Variants in FOLH1 observed in about 807,000 individuals in gnomAD.
FOLH1 encodes folate hydrolase 1, also known as glutamate carboxypeptidase 2.
FOLH1 carries 54 observed loss-of-function variants against 93.9 expected under a neutral mutation model. The ratio of observed to expected loss-of-function variants is 0.57; its 90% confidence interval spans 0.46 to 0.72. The LOEUF (loss-of-function observed/expected upper bound fraction) is 0.72, where lower values mean the gene tolerates loss of function less well. Ranked by LOEUF, FOLH1 falls within the 30% of genes least tolerant of loss-of-function variation. The pLI, the probability that FOLH1 is intolerant of heterozygous loss-of-function variation, is 0.00. For missense variants in FOLH1, 571 were observed against 892.5 expected (o/e 0.64, Z 4.59); for synonymous variants, 249 against 303.6 (o/e 0.82, Z 1.87).
intron 4 of FOLH1, 95 bp from the exon 5 acceptor site, chr11:49,186,864 G>C: frequency 7.3e-7 from 1 of 1,367,770 alleles, no homozygotes; most frequent in Non-Finnish European, 9.8e-7. Context: ...AGAGGGAAGA[G>C]GTCAGAGCAC....
chr11:49,164,633 G>T, intron 13 of FOLH1, 72 bp downstream of exon 13: 1 of 1,071,520 alleles, frequency 9.3e-7, no homozygotes, highest in Non-Finnish European at 1.4e-6. Context: ...CACCACCTAT[G>T]TTTAACATAA....
At chr11:49,162,797 T>G (rs1857863549) in intron 13 of FOLH1, 1 of 152,178 alleles carries the variant, frequency 6.6e-6, no homozygotes, top group African/African-American at 2.4e-5. Flanking sequence ...TTTCTTTTTT[T>G]TTTTTTTAAA....
intron 15 of FOLH1, 88 bp from the exon 16 acceptor site, chr11:49,154,580 T>C: frequency 6.5e-7 from 1 of 1,529,904 alleles, no homozygotes; most frequent in Non-Finnish European, 8.8e-7. Flanking sequence ...TTAGTAAGAT[T>C]GGTCAGTGAT....
intron 5 of FOLH1, among the ~76,000 whole-genome samples, 166 bp downstream of exon 5, chr11:49,186,478 C>G (rs2851528): frequency 1.3e-3 from 195 of 152,256 alleles, no homozygotes; most frequent in African/African-American, 4.4e-3. Context: ...AATTTAACCC[C>G]GGGATATAAC....
chr11:49,208,067 C>G, intron 1 of FOLH1: 1 of 632,014 alleles, frequency 1.6e-6, no homozygotes, highest in Non-Finnish European at 2.8e-6. Context: ...TACCCTCAAC[C>G]TGAGTGACTG....
At chr11:49,149,870 G>A (rs186197297) in intron 17 of FOLH1, among the ~76,000 whole-genome samples, 275 of 152,164 alleles carry the variant, frequency 1.8e-3, no homozygotes, top group African/African-American at 6.1e-3. Flanking sequence ...GATTTAATTT[G>A]GCAAAATAAA....
intron 13 of FOLH1, among the ~76,000 whole-genome samples, chr11:49,164,327 T>C (rs192721207): frequency 2.8e-4 from 43 of 152,346 alleles, no homozygotes; most frequent in African/African-American, 9.1e-4. Flanking sequence ...CTGAATTAAT[T>C]GGTATCACTA....
At chr11:49,161,727 G>A (rs1476285499) in intron 13 of FOLH1, among the ~76,000 whole-genome samples, 1 of 152,080 alleles carries the variant, frequency 6.6e-6, no homozygotes, top group East Asian at 1.9e-4. Context: ...TCACTGGTCT[G>A]TGTACTTCAG....
chr11:49,189,085 G>A lies in FOLH1; in HGVS notation c.514-2316C>T, dbSNP rs547886118. On this transcript the variant is annotated intron_variant, in intron 4 of 18. Transcript: ENST00000256999. ...CAGATATATGCTTCATATTGACTTA[G>A]AATGGGTAGGAGATGTTTTTCATTT... is the stretch of plus-strand genomic sequence containing the variant. 2.5e-3 allele frequency among the ~76,000 whole-genome samples: 378 copies of A among 152,224 alleles called. 3 individuals carry two copies. The highest frequency in any genetic ancestry group is 0.014 in the Middle Eastern group (4 of 294).
chr11:49,182,831 G>C (rs1590608136), intron 7 of FOLH1, among the ~76,000 whole-genome samples: 1 of 152,056 alleles, frequency 6.6e-6, no homozygotes, highest in East Asian at 1.9e-4. Context: ...GTCATTGCCC[G>C]AGAACACCTA....
intron 4 of FOLH1, among the ~76,000 whole-genome samples, chr11:49,191,039 G>A (rs1861969830): frequency 6.6e-6 from 1 of 152,194 alleles, no homozygotes; most frequent in Admixed American, 6.5e-5. Context: ...TTGGCCGGGT[G>A]CGGAGGCAGG....
chr11:49,208,265 G>C, intron 1 of FOLH1, 27 bp downstream of exon 1: 2 of 1,467,910 alleles, frequency 1.4e-6, no homozygotes, highest in Non-Finnish European at 1.8e-6. Flanking sequence ...AAGACTCCGA[G>C]GTTTGCTCCG....
intron 3 of FOLH1, among the ~76,000 whole-genome samples, chr11:49,198,600 A>G (rs1862922817): frequency 6.6e-6 from 1 of 152,210 alleles, no homozygotes; most frequent in South Asian, 2.1e-4. Flanking sequence ...ATACATTTTA[A>G]CATTGTCAAT....
intron 3 of FOLH1, among the ~76,000 whole-genome samples, chr11:49,195,209 A>G (rs542321954): frequency 6.6e-6 from 1 of 152,290 alleles, no homozygotes; most frequent in African/African-American, 2.4e-5. Flanking sequence ...TGTCCTACAA[A>G]CCACATTATC....
intron 2 of FOLH1, among the ~76,000 whole-genome samples, chr11:49,202,448 C>T (rs1291890449): frequency 2.0e-5 from 3 of 151,842 alleles, no homozygotes; most frequent in African/African-American, 7.3e-5. Flanking sequence ...TGTTGCCAGG[C>T]TGGAATACAG....
chr11:49,149,311 A>G (rs1273772024), intron 17 of FOLH1, among the ~76,000 whole-genome samples: 1 of 152,142 alleles, frequency 6.6e-6, no homozygotes, highest in Non-Finnish European at 1.5e-5. Flanking sequence ...GTTTAAGTAC[A>G]GCGTTCTTGG....
At position 49,168,778 on chromosome 11, in the gene FOLH1, CT is replaced by C. The variant is rs570341150; in HGVS notation, c.1372+416del. 1.3e-3 allele frequency among the ~76,000 whole-genome samples: 203 copies of C among 152,206 alleles called. 1 individual carries two copies. The highest frequency in any genetic ancestry group is 6.8e-3 in the Middle Eastern group (2 of 294). ...GAGCCACCGCACCCCACAAATGATA[CT>C]TTTTTTCTACACCATTCTAAATTAT... On this transcript the variant is annotated intron_variant, in intron 12 of 18. Coordinates refer to ENST00000256999, the MANE Select transcript of FOLH1 (RefSeq NM_004476.3).
At chr11:49,163,621 G>A (rs976118781) in intron 13 of FOLH1, among the ~76,000 whole-genome samples, 3 of 151,802 alleles carry the variant, frequency 2.0e-5, no homozygotes, top group African/African-American at 7.3e-5. Flanking sequence ...GGGGCCTGCA[G>A]ACCATCACTG....
At position 49,148,663 on chromosome 11, in the gene FOLH1, C is replaced by A. The variant is rs900061825; in HGVS notation, c.2039G>T (p.Gly680Val). ...CCTATAAAAAGGCCTGTCTGGTAAC[C>A]CTAATGGATCAATAAATGCTCTTTC... is the stretch of plus-strand genomic sequence containing the variant. The part of the protein sequence containing the change: ...FLERAFIDPL[G>V]LPDRPFYRHV... Residue 680 changes from glycine (G) to valine (V), a missense_variant, in exon 18 of 19, where the codon GGG becomes GTG. By Grantham distance (109) the Gly-to-Val change is moderately radical. Around this residue, in one of 2 missense-constraint regions of FOLH1, gnomAD observed 500 missense variants for 822.9 expected, o/e 0.61. Coordinates refer to ENST00000256999, the MANE Select transcript of FOLH1 (RefSeq NM_004476.3). 1.2e-6 allele frequency: 2 copies of A among 1,605,642 alleles called. No individual in the cohort carries two copies. The highest frequency in any genetic ancestry group is 4.5e-5 in the East Asian group (2 of 44,404).
Sources: gnomAD v4.1 joint callset for allele counts (sites outside exome capture counted in the v4.1 genomes callset) on GRCh38, gnomAD v4.1.1 for gene constraint, gnomAD v4.1.1 regional missense constraint, MANE v1.5 for transcripts, NCBI Gene and HGNC (gene_info 2026-07-23, HGNC 2026-07-21) for gene names.